Variants in KIF1A observed in about 807,000 individuals in gnomAD.
The protein encoded by KIF1A is kinesin family member 1A, also known as kinesin-like protein KIF1A.
A neutral mutation model predicts 227.3 loss-of-function variants in KIF1A; 46 were observed. The ratio of observed to expected loss-of-function variants is 0.20; its 90% CI spans 0.16 to 0.26. KIF1A has a LOEUF of 0.26. KIF1A is among the 10% of genes least tolerant of loss of function. The pLI, the probability that KIF1A is intolerant of heterozygous loss-of-function variation, is 1.00. For missense variants in KIF1A, 1,683 were observed against 2,485.9 expected (o/e 0.68, Z 6.87); for synonymous variants, 1,022 against 1,012.8 (o/e 1.01, Z -0.17).
rs756389398 is a variant in KIF1A, at chr2:240,765,693, G to T, written c.1768+17C>A. The stretch of plus-strand genomic sequence containing the variant: ...GCCTCTGCCTACCTGACTGGCCCCC[G>T]GAGTCCCCAGCCATACCTGAACGCA... On this transcript the variant is annotated intron_variant, in intron 20 of 48. Transcript: ENST00000498729. 16 of 1,603,992 alleles carry T rather than the reference G, an allele frequency of 1.0e-5. No individual in the cohort carries two copies. Among genetic ancestry groups the T allele is most frequent in the Non-Finnish European group, 1.4e-5 (16 of 1,171,814 alleles).
rs751768839 is a variant in KIF1A at position 240,719,766 on chromosome 2, CCA to C, written c.5021+6_5021+7del. 1 of 1,559,096 alleles carries C rather than the reference CCA, an allele frequency of 6.4e-7. No homozygotes were observed. The highest frequency in any genetic ancestry group is 8.7e-7 in the Non-Finnish European group (1 of 1,151,040). On this transcript the variant is annotated splice_donor_region_variant and intron_variant, in intron 46 of 48. Transcript: ENST00000498729. ...GGTGGCGGTGCTTTCCAGGGAGGCC[CCA>C]CACACCTGACTCGGATCTCCTGGAT...
Position 240,736,547 on chromosome 2 carries a change from C to T in KIF1A, c.4007+516G>A, listed in dbSNP as rs560891171. Reference sequence around the variant, plus strand: ...GAGCGCCAAAACCCCAGCCTAAATGCGGTCGGGCTGGGACCGCCCAGACTG... The same window carrying T: ...GAGCGCCAAAACCCCAGCCTAAATGTGGTCGGGCTGGGACCGCCCAGACTG... On this transcript the variant is annotated intron_variant, in intron 38 of 48. Transcript: ENST00000498729. The surrounding 1 kb of genome is among the most constrained non-coding windows in gnomAD (Gnocchi z 4.7). 4.3e-4 allele frequency among the ~76,000 whole-genome samples: 65 copies of T among 152,294 alleles called. No homozygotes were observed. The highest frequency in any genetic ancestry group is 8.7e-4 in the African/African-American group (36 of 41,554).
chr2:240,786,232 A>G, intron 6 of KIF1A, 103 bp downstream of exon 6: 1 of 1,187,900 alleles, frequency 8.4e-7, no homozygotes, highest in Non-Finnish European at 1.2e-6. Flanking sequence ...GGGGGCACAG[A>G]TGGACCCTAC....
chr2:240,718,039 G>C lies in KIF1A; in HGVS notation c.5333+11C>G. 1 of 1,578,880 alleles carries C rather than the reference G, an allele frequency of 6.3e-7. No individual in the cohort carries two copies. Among genetic ancestry groups the C allele is most frequent in the Middle Eastern group, 1.7e-4 (1 of 5,978 alleles). On this transcript the variant is annotated intron_variant, in intron 48 of 48. Coordinates refer to ENST00000498729, the MANE Select transcript of KIF1A (RefSeq NM_001244008.2). ...CCCATGGCAGCAACCTCGCCCTGCA[G>C]GCGGCCCTACCGTATGGTCCCGGCC...
intron 10 of KIF1A, chr2:240,782,133 C>T (rs2054117141): frequency 4.1e-6 from 4 of 985,202 alleles, no homozygotes; most frequent in Non-Finnish European, 4.8e-6. Context: ...CAGCTTCACA[C>T]GTGGCGCGCT....
Position 240,714,760 on chromosome 2 carries a change from C to CTA in KIF1A, c.*2603_*2604insTA, listed in dbSNP as rs2044458152. On this transcript the variant is annotated 3_prime_UTR_variant, in exon 49 of 49. Transcript: ENST00000498729. ...AGGCGGCCTCCTCTCACCATCAACT[C>CTA]TGAGTTTCTGGGTCCTGGCTTAGGC... 1 of 152,266 alleles carries CTA rather than the reference C, an allele frequency of 6.6e-6. No individual in the cohort carries two copies. Among genetic ancestry groups the CTA allele is most frequent in the South Asian group, 2.1e-4 (1 of 4,828 alleles). 9.4% of individuals were successfully genotyped at this position (152,266 alleles called of 1,614,324 possible).
chr2:240,737,302 C>T, intron 37 of KIF1A, 134 bp from the exon 38 acceptor site: 1 of 689,286 alleles, frequency 1.5e-6, no homozygotes, highest in Non-Finnish European at 2.7e-6. Context: ...AAGGCGGTGC[C>T]AGGGGGAACA....
At position 240,751,291 on chromosome 2, in the gene KIF1A, C is replaced by T. The variant is rs187023235; in HGVS notation, c.2859-744G>A. 5.1e-3 allele frequency among the ~76,000 whole-genome samples: 772 copies of T among 152,268 alleles called. 3 individuals carry two copies. The highest frequency in any genetic ancestry group is 0.017 in the African/African-American group (698 of 41,544). The stretch of plus-strand genomic sequence containing the variant: ...ACAGAGAGGACCCTGGAAGACCCCA[C>T]GCCACACAGCCAGGCGGAAGGATAC... On this transcript the variant is annotated intron_variant, in intron 27 of 48. Transcript: ENST00000498729.
chr2:240,757,112 G>A lies in KIF1A; in HGVS notation c.2858+207C>T, dbSNP rs192203997. ...TCTTCCCTGCCGGCCCAAAGCGACCGTCTCCAGGATGGGTGAGCAGCCCCA... is the reference window on the plus strand; with the variant it reads ...TCTTCCCTGCCGGCCCAAAGCGACCATCTCCAGGATGGGTGAGCAGCCCCA... On this transcript the variant is annotated intron_variant, in intron 27 of 48. Coordinates refer to ENST00000498729, the MANE Select transcript of KIF1A (RefSeq NM_001244008.2). The surrounding 1 kb of genome is among the most constrained non-coding windows in gnomAD (Gnocchi z 6.2). Among the ~76,000 whole-genome samples the A allele has an allele frequency of 9.8e-5, 15 of 152,336 alleles. No individual in the cohort carries two copies. In the East Asian group the frequency reaches 2.1e-3, roughly 22 times the overall value.
rs772151034 is a variant in KIF1A at position 240,769,117 on chromosome 2, C to A, written c.1497+16G>T. The stretch of plus-strand genomic sequence containing the variant: ...TTCAGATGAGGGCAGTACCACAGAA[C>A]TGAGATAGCTCCTACCTTTTTGGGA... On this transcript the variant is annotated intron_variant, in intron 17 of 48. Coordinates refer to ENST00000498729, the MANE Select transcript of KIF1A (RefSeq NM_001244008.2). 6.2e-7 allele frequency: 1 copy of A among 1,601,262 alleles called. No individual in the cohort carries two copies. Among genetic ancestry groups the A allele is most frequent in the East Asian group, 2.2e-5 (1 of 44,508 alleles).
chr2:240,747,880 T>C (rs1022050967), intron 28 of KIF1A, among the ~76,000 whole-genome samples: 3 of 152,250 alleles, frequency 2.0e-5, no homozygotes, highest in Non-Finnish European at 4.4e-5. Context: ...TGTCCTGCCA[T>C]GGTCTGTGAC....
rs780828140 is a variant in KIF1A at position 240,719,118 on chromosome 2, C to T, written c.5102G>A (p.Arg1701Gln). The change falls in exon 47 of 49, where the codon CGG becomes CAG. Residue 1701 changes from arginine to glutamine, a missense_variant. Around this residue, in one of 12 missense-constraint regions of KIF1A, gnomAD observed 384 missense variants for 410.1 expected, o/e 0.94. Transcript: ENST00000498729. The stretch of plus-strand genomic sequence containing the variant: ...GTTGTACATGTAGGCATAGGGGCGC[C>T]GCACCACCACGAAGCGCCTGGCCCA... ...SGWARRFVVV[R>Q]RPYAYMYNSD... The T allele has an allele frequency of 1.1e-5, 17 of 1,612,464 alleles. No individual in the cohort carries two copies. Among genetic ancestry groups the T allele is most frequent in the South Asian group, 4.4e-5 (4 of 91,028 alleles).
intron 1 of KIF1A, among the ~76,000 whole-genome samples, chr2:240,803,626 A>G (rs1282734456): frequency 1.3e-5 from 2 of 152,266 alleles, no homozygotes; most frequent in African/African-American, 4.8e-5. Flanking sequence ...ATGGAAAAAA[A>G]TAAACCAAAT....
rs750942838 is a variant in KIF1A, at chr2:240,719,918, T to G, written c.4877A>C (p.Gln1626Pro). Residue 1626 changes from glutamine (Q) to proline (P), a missense_variant, in exon 46 of 49, where the codon CAG (glutamine) becomes CCG (proline). Gln to Pro is a moderately conservative substitution (Grantham distance 76). Transcript: ENST00000498729. ...RYGATDLRTP[Q>P]PCSRPASPEP... ...TGGGCTGGCTGGCCGGGAGCAGGGCTGCGGGGTCCTGGGAAGCAGAGGGAA... is the reference window on the plus strand; with the variant it reads ...TGGGCTGGCTGGCCGGGAGCAGGGCGGCGGGGTCCTGGGAAGCAGAGGGAA... 1.2e-6 allele frequency: 2 copies of G among 1,608,554 alleles called. No individual in the cohort carries two copies. The highest frequency in any genetic ancestry group is 1.7e-6 in the Non-Finnish European group (2 of 1,178,468).
chr2:240,721,694 T>C, intron 44 of KIF1A, 113 bp downstream of exon 44: 1 of 867,598 alleles, frequency 1.2e-6, no homozygotes, highest in Non-Finnish European at 1.8e-6. Context: ...GACGTGTTCC[T>C]AGGAAACTCT....
intron 44 of KIF1A, among the ~76,000 whole-genome samples, chr2:240,721,439 G>T (rs1054367812): frequency 6.6e-6 from 1 of 152,250 alleles, no homozygotes; most frequent in African/African-American, 2.4e-5. Flanking sequence ...CCAGGCTACA[G>T]GGGTGGGGTC....
chr2:240,811,820 G>T (rs1575675473), intron 1 of KIF1A, among the ~76,000 whole-genome samples: 1 of 152,246 alleles, frequency 6.6e-6, no homozygotes, highest in East Asian at 1.9e-4. Flanking sequence ...GCAGGGTGGG[G>T]TCTGCGCTGG....
At chr2:240,805,873 C>G (rs1017777441) in intron 1 of KIF1A, among the ~76,000 whole-genome samples, 1 of 151,974 alleles carries the variant, frequency 6.6e-6, no homozygotes, top group East Asian at 1.9e-4. Flanking sequence ...AAATAACAAA[C>G]CAAAGGAAAA....
intron 17 of KIF1A, among the ~76,000 whole-genome samples, chr2:240,767,558 C>T (rs529721943): frequency 3.2e-4 from 49 of 152,340 alleles, no homozygotes; most frequent in African/African-American, 1.1e-3. Flanking sequence ...AGCAGCAGGC[C>T]GGTGGGACCC....
Sources: gnomAD v4.1 joint callset for allele counts (sites outside exome capture counted in the v4.1 genomes callset) on GRCh38, gnomAD v4.1.1 for gene constraint, gnomAD v4.1.1 regional missense constraint, Gnocchi (gnomAD v3.1) non-coding constraint, MANE v1.5 for transcripts, NCBI Gene and HGNC (gene_info 2026-07-23, HGNC 2026-07-21) for gene names.